TNPO1: variants seen among roughly 807,000 people sequenced by gnomAD.
The protein encoded by TNPO1 is transportin 1, also known as transportin-1.
In TNPO1, 8 loss-of-function variants were observed where a neutral mutation model predicts 119.5. The ratio of observed to expected loss-of-function variants is 0.07; its 90% CI spans 0.04 to 0.12. The LOEUF is 0.12. Among genes scored for constraint, TNPO1 ranks in the 10% least tolerant of loss-of-function variants. The pLI is 1.00. For synonymous variants in TNPO1, 362 were observed against 363.0 expected, an observed-to-expected ratio of 1.00 and a Z score of 0.03; for missense variants, 576 against 1,089.8, an observed-to-expected ratio of 0.53 and a Z score of 6.64.
At chr5:72,878,856 C>A in intron 9 of TNPO1, 1 of 454,756 alleles carries the variant, frequency 2.2e-6, no homozygotes, top group South Asian at 1.8e-5. Flanking sequence ...TATTTATTGA[C>A]TTTTCGTTAG....
intron 1 of TNPO1, among the ~76,000 whole-genome samples, chr5:72,834,130 T>C (rs144467973): frequency 5.0e-4 from 76 of 152,368 alleles, no homozygotes; most frequent in African/African-American, 1.6e-3. Context: ...CTCACTCATA[T>C]GTCTGCGGTG....
At chr5:72,886,533 T>C (rs199718827) in intron 11 of TNPO1, among the ~76,000 whole-genome samples, 2 of 152,242 alleles carry the variant, frequency 1.3e-5, no homozygotes, top group South Asian at 2.1e-4. Context: ...ATGACAGTTA[T>C]GTACAGAATA....
intron 19 of TNPO1, 97 bp downstream of exon 19, chr5:72,896,653 T>C: frequency 1.1e-6 from 1 of 879,294 alleles, no homozygotes; most frequent in Non-Finnish European, 1.7e-6. Context: ...GCAGATCACC[T>C]GAGGTCAGGA....
In TNPO1 at chr5:72,887,197, T is replaced by C; in HGVS notation, c.1278T>C (p.Ile426=). 1 of 1,577,138 alleles carries C rather than the reference T, an allele frequency of 6.3e-7. No individual in the cohort carries two copies. Among genetic ancestry groups the C allele is most frequent in the Non-Finnish European group, 8.6e-7 (1 of 1,159,548 alleles). ...AATGGGTTGTTAAAGAATCAGGCAT[T>C]TTGGTTTTAGGAGCAATTGCTGAAG... ...HHEWVVKESG[I]LVLGAIAEGC... Residue 426 remains isoleucine (I), a synonymous_variant, in exon 12 of 25, where the codon ATT becomes ATC. Coordinates refer to ENST00000337273, the MANE Select transcript of TNPO1 (RefSeq NM_002270.4).
At chr5:72,892,608 C>G (rs1449807044) in intron 15 of TNPO1, among the ~76,000 whole-genome samples, 1 of 152,134 alleles carries the variant, frequency 6.6e-6, no homozygotes, top group East Asian at 1.9e-4. Context: ...TACAGAAATC[C>G]AGCGATGCTC....
chr5:72,872,044 A>G (rs1380121371), intron 6 of TNPO1, among the ~76,000 whole-genome samples: 1 of 152,190 alleles, frequency 6.6e-6, no homozygotes, highest in Non-Finnish European at 1.5e-5. Flanking sequence ...GAATGAGAGT[A>G]TAGTGTGGTC....
chr5:72,885,982 T>C (rs1470260547), intron 11 of TNPO1, among the ~76,000 whole-genome samples: 1 of 152,122 alleles, frequency 6.6e-6, no homozygotes, highest in Non-Finnish European at 1.5e-5. Flanking sequence ...AAGCCAACTC[T>C]CTTGATAACT....
At chr5:72,835,812 T>TTAATTCAAAAGTCTGAAGCCGA (rs1744671552) in intron 1 of TNPO1, among the ~76,000 whole-genome samples, 2 of 152,204 alleles carry the variant, frequency 1.3e-5, no homozygotes, top group Non-Finnish European at 2.9e-5. Flanking sequence ...AAGCCGAGAA[T>TTAATTCAAAAGTCTGAAGCCGA]CTCATCTAAA....
chr5:72,848,141 T>G (rs1745222512), intron 1 of TNPO1: 27 of 1,206,670 alleles, frequency 2.2e-5, no homozygotes, highest in Non-Finnish European at 2.7e-5. Context: ...GGTCGGCTCC[T>G]TGCGCTCGGC....
chr5:72,850,439 C>T (rs897161974), intron 2 of TNPO1, among the ~76,000 whole-genome samples: 3 of 152,124 alleles, frequency 2.0e-5, no homozygotes, highest in Admixed American at 6.6e-5. Flanking sequence ...TAATAAATAG[C>T]TAATAAAGTG....
At position 72,848,337 on chromosome 5, in the gene TNPO1, G is replaced by A. The variant is rs374698815; in HGVS notation, c.16-48G>A. 1.2e-5 allele frequency: 18 copies of A among 1,564,002 alleles called. No individual in the cohort carries two copies. The African/African-American group carries it at 2.5e-4, about 21-fold the overall frequency. On this transcript the variant is annotated intron_variant, in intron 1 of 24. Coordinates refer to ENST00000337273, the MANE Select transcript of TNPO1 (RefSeq NM_002270.4). ...CGGGAAGCCTCTGGGCCTGTGCACCGGGAGTAACAGTTGCTCCGTCTCTTC... is the reference window on the plus strand; with the variant it reads ...CGGGAAGCCTCTGGGCCTGTGCACCAGGAGTAACAGTTGCTCCGTCTCTTC...
intron 18 of TNPO1, 102 bp downstream of exon 18, chr5:72,893,805 A>AT: frequency 9.2e-7 from 1 of 1,087,028 alleles, no homozygotes; most frequent in Non-Finnish European, 1.4e-6. Context: ...GAATCCCAAC[A>AT]TTTATAAATG....
At chr5:72,851,554 G>A (rs925295792) in intron 3 of TNPO1, among the ~76,000 whole-genome samples, 13 of 152,120 alleles carry the variant, frequency 8.5e-5, no homozygotes, top group Non-Finnish European at 4.4e-5. Context: ...GTGCAGTGGT[G>A]CGATCTTGGC....
chr5:72,880,253 A>G (rs986749189), intron 9 of TNPO1, among the ~76,000 whole-genome samples: 2 of 152,146 alleles, frequency 1.3e-5, no homozygotes, highest in Non-Finnish European at 2.9e-5. Flanking sequence ...ATTCTGGGCT[A>G]TATAGTCTCC....
chr5:72,850,825 ATAAAGT>A (rs1227248659), intron 2 of TNPO1, among the ~76,000 whole-genome samples: 1 of 152,196 alleles, frequency 6.6e-6, no homozygotes, highest in African/African-American at 2.4e-5. Context: ...AAGTTATTCT[ATAAAGT>A]TAATTTCTCT....
intron 7 of TNPO1, among the ~76,000 whole-genome samples, chr5:72,874,196 C>T (rs1747606184): frequency 6.6e-6 from 1 of 152,138 alleles, no homozygotes; most frequent in South Asian, 2.1e-4. Flanking sequence ...CTCTACCCTA[C>T]AAAAACAGTA....
intron 9 of TNPO1, 32 bp from the exon 10 acceptor site, chr5:72,882,435 G>A (rs1423871733): frequency 6.5e-7 from 1 of 1,529,464 alleles, no homozygotes; most frequent in Non-Finnish European, 9.0e-7. Context: ...GAGATCTTAA[G>A]GTCTTTGTTT....
At chr5:72,833,381 C>T (rs1048943759) in intron 1 of TNPO1, among the ~76,000 whole-genome samples, 2 of 152,162 alleles carry the variant, frequency 1.3e-5, no homozygotes, top group Non-Finnish European at 2.9e-5. Flanking sequence ...CCACTGCACA[C>T]AGCCCCTCTT....
chr5:72,817,150 G>C (rs1262217610), intron 1 of TNPO1, among the ~76,000 whole-genome samples: 1 of 152,200 alleles, frequency 6.6e-6, no homozygotes, highest in Non-Finnish European at 1.5e-5. Flanking sequence ...ACTGGTTCTG[G>C]GCGCTGGCCG....
Sources: gnomAD v4.1 joint callset for allele counts (sites outside exome capture counted in the v4.1 genomes callset) on GRCh38, gnomAD v4.1.1 for gene constraint, MANE v1.5 for transcripts, NCBI Gene and HGNC (gene_info 2026-07-23, HGNC 2026-07-21) for gene names.